The following EVC2 variants were observed in gnomAD, a reference collection of about 807,000 sequenced individuals.
EVC2 encodes the protein limbin.
In EVC2, 148 loss-of-function variants were observed where a neutral mutation model predicts 149.3. That is an observed-to-expected ratio of 0.99 (90% CI 0.87 to 1.14). The LOEUF (loss-of-function observed/expected upper bound fraction) is 1.14, where lower values mean the gene tolerates loss of function less well. Among genes scored for constraint, EVC2 ranks in the 50% most tolerant of loss-of-function variants. EVC2 has a pLI of 0.00. For synonymous variants in EVC2, 776 were observed against 649.9 expected (o/e 1.19, Z -2.95); for missense variants, 1,854 against 1,627.3 (o/e 1.14, Z -2.40).
At chr4:5,628,276 G>C (rs141776102) in intron 12 of EVC2, among the ~76,000 whole-genome samples, 3 of 151,864 alleles carry the variant, frequency 2.0e-5, no homozygotes, top group Admixed American at 6.6e-5. Flanking sequence ...TAGGTCATGA[G>C]GGATCCACCC....
intron 16 of EVC2, among the ~76,000 whole-genome samples, chr4:5,602,588 T>C (rs191103984): frequency 6.6e-6 from 1 of 151,900 alleles, no homozygotes; most frequent in Non-Finnish European, 1.5e-5. Flanking sequence ...CTAAGGAAAC[T>C]AAAGAACAAT....
chr4:5,562,457 AT>A lies in EVC2; in HGVS notation c.*390del. On this transcript the variant is annotated 3_prime_UTR_variant, in exon 22 of 22. Coordinates refer to ENST00000344408, the MANE Select transcript of EVC2 (RefSeq NM_147127.5). This position sits in a 1 kb window ranked among gnomAD's most constrained non-coding sequence, Gnocchi z 4.3. ...AAACAGCTTTGTGCAAAACACATTT[AT>A]TTTTTAAAATTCCCTTTATAAAAAT... The A allele has an allele frequency of 9.4e-7, 1 of 1,067,610 alleles. No individual in the cohort carries two copies. 66.1% of individuals were successfully genotyped at this position (1,067,610 alleles called of 1,614,324 possible).
chr4:5,605,139 A>T (rs1714283610), intron 16 of EVC2, among the ~76,000 whole-genome samples: 1 of 152,172 alleles, frequency 6.6e-6, no homozygotes, highest in Non-Finnish European at 1.5e-5. Context: ...TCAACTGTTT[A>T]TGTTATTTGT....
At position 5,708,316 on chromosome 4, in the gene EVC2, CCG is replaced by C; in HGVS notation, c.196_197del (p.Arg66GlufsTer26). The C allele has an allele frequency of 6.8e-7, 1 of 1,464,056 alleles. No individual in the cohort carries two copies. The allele number at this position is 1,464,056 out of a possible 1,614,324, so 90.7% of individuals were successfully genotyped here. A position where few individuals can be genotyped will look rare whatever the true frequency, so the allele number is the denominator to read the frequency against. On this transcript the variant is annotated frameshift_variant, in exon 1 of 22. Transcript: ENST00000344408. LOFTEE classifies it high-confidence loss of function. ...TGCTGCTCTCGGGCCCCGCCCCGCT[CCG>C]CCCCGGAGGGATCCTCAGGCCGGGC... ...SGPGLRIPPG[R>X]SGAGPESSTQ...
intron 13 of EVC2, among the ~76,000 whole-genome samples, chr4:5,623,717 G>A (rs1182835759): frequency 6.6e-6 from 1 of 152,122 alleles, no homozygotes; most frequent in African/African-American, 2.4e-5. Flanking sequence ...TTGCCGAGTA[G>A]GTAAAGCCCA....
chr4:5,568,519 G>T lies in EVC2; in HGVS notation c.3482C>A (p.Ser1161Ter). Residue 1161 changes from serine (S) to a stop codon, truncating the protein, a stop_gained, in exon 20 of 22, where the codon TCG (serine) becomes TAG (stop). Transcript: ENST00000344408. LOFTEE classifies it high-confidence loss of function. The part of the protein sequence containing the change: ...SQPQLLALLD[S>*]ATERHVDHAA... ...GTGGTCCACATGTCTCTCGGTGGCC[G>T]AATCCAGCAGGGCCAGCAGCTGAGG... is the stretch of plus-strand genomic sequence containing the variant. 1 of 1,593,102 alleles carries T rather than the reference G, an allele frequency of 6.3e-7. No homozygotes were observed.
At chr4:5,616,886 C>T (rs73198129) in intron 15 of EVC2, among the ~76,000 whole-genome samples, 1 of 152,212 alleles carries the variant, frequency 6.6e-6, no homozygotes, top group Non-Finnish European at 1.5e-5. Context: ...TTGGGTGACT[C>T]TGAAGGCAGA....
chr4:5,602,291 TAAAA>T (rs571933194), intron 16 of EVC2, among the ~76,000 whole-genome samples: 1 of 81,696 alleles, frequency 1.2e-5, no homozygotes, highest in Admixed American at 1.4e-4. Flanking sequence ...CATTGCCTCT[TAAAA>T]AAAAAAAAAA....
At chr4:5,581,996 G>A (rs138350194) in intron 17 of EVC2, among the ~76,000 whole-genome samples, 155 of 152,330 alleles carry the variant, frequency 1.0e-3, no homozygotes, top group African/African-American at 3.4e-3. Context: ...GGGAGCCTCC[G>A]CCTAGATTTC....
At chr4:5,662,821 G>A (rs188032442) in intron 9 of EVC2, among the ~76,000 whole-genome samples, 75 of 151,138 alleles carry the variant, frequency 5.0e-4, no homozygotes, top group African/African-American at 1.5e-3. Context: ...GTGCTCTGCC[G>A]GCCCTGACCT....
chr4:5,595,862 G>C (rs1349389317), intron 16 of EVC2, among the ~76,000 whole-genome samples: 1 of 152,140 alleles, frequency 6.6e-6, no homozygotes, highest in African/African-American at 2.4e-5. Context: ...CAAAATAAAA[G>C]GATGGAGAAA....
chr4:5,704,545 G>A (rs67542550), intron 1 of EVC2, among the ~76,000 whole-genome samples: 37,154 of 151,962 alleles, frequency 0.24, 4,613 homozygotes, highest in African/African-American at 0.26. Context: ...GGAAATTCGG[G>A]AGCTGCCAGG....
intron 21 of EVC2, among the ~76,000 whole-genome samples, chr4:5,552,060 T>C (rs566897617): frequency 2.2e-4 from 33 of 152,342 alleles, no homozygotes; most frequent in African/African-American, 7.0e-4. Context: ...ACACCCCTCA[T>C]TCCTTTTTCC....
chr4:5,576,370 G>C lies in EVC2; in HGVS notation c.3142C>G (p.Gln1048Glu). ...CCGGGCCCATCGGCCACCCACTGCT[G>C]CCAGCTCGCCAGGGCCTGCTGCTGC... ...AQQQQALASW[Q>E]QWVADGPGIL... Residue 1048 changes from glutamine (Q) to glutamate (E), a missense_variant, in exon 18 of 22, where the codon CAG becomes GAG. Gln to Glu is a conservative substitution (Grantham distance 29, BLOSUM62 2). Coordinates refer to ENST00000344408, the MANE Select transcript of EVC2 (RefSeq NM_147127.5). The surrounding 1 kb of genome is among the most constrained non-coding windows in gnomAD (Gnocchi z 4.5). The C allele has an allele frequency of 6.2e-7, 1 of 1,614,130 alleles. No individual in the cohort carries two copies. Among genetic ancestry groups the C allele is most frequent in the Non-Finnish European group, 8.5e-7 (1 of 1,180,028 alleles).
At chr4:5,708,645 C>A (rs889225567), upstream of EVC2, 2 of 615,204 alleles carry the variant, frequency 3.3e-6, no homozygotes, top group Non-Finnish European at 2.5e-6. Flanking sequence ...AACAAACACC[C>A]GCATCTGGGG....
intron 10 of EVC2, among the ~76,000 whole-genome samples, chr4:5,639,616 A>T (rs2108862107): frequency 6.6e-6 from 1 of 152,326 alleles, no homozygotes; most frequent in Middle Eastern, 3.4e-3. Flanking sequence ...CTTCAGGAGC[A>T]GAGATGGAAT....
chr4:5,566,532 T>C (rs138422367), intron 20 of EVC2, among the ~76,000 whole-genome samples: 1 of 152,296 alleles, frequency 6.6e-6, no homozygotes, highest in African/African-American at 2.4e-5. Flanking sequence ...TCAGTTCCCA[T>C]TGCTTGAAAC....
intron 9 of EVC2, among the ~76,000 whole-genome samples, chr4:5,659,136 CA>C (rs1184789683): frequency 1.3e-5 from 2 of 152,166 alleles, no homozygotes; most frequent in East Asian, 3.9e-4. Context: ...CAGGATAGAG[CA>C]AAGTTACAGC....
At chr4:5,691,214 G>A (rs777562797) in intron 4 of EVC2, 51 bp downstream of exon 4, 89 of 1,527,618 alleles carry the variant, frequency 5.8e-5, no homozygotes, top group Non-Finnish European at 7.5e-5. Flanking sequence ...AATGATCTGG[G>A]CAAAATCCAA....
Sources: allele counts gnomAD v4.1 joint callset (sites outside exome capture counted in the v4.1 genomes callset), GRCh38; gene constraint gnomAD v4.1.1; non-coding constraint Gnocchi (gnomAD v3.1); transcripts MANE v1.5; gene names NCBI Gene and HGNC (gene_info 2026-07-23, HGNC 2026-07-21).